The following DYNC1I1 variants were observed in gnomAD, a reference collection of about 807,000 sequenced individuals.
DYNC1I1 encodes cytoplasmic dynein 1 intermediate chain 1.
In DYNC1I1, 43 loss-of-function variants were observed where a neutral mutation model predicts 86.6. The ratio of observed to expected loss-of-function variants is 0.50; its 90% CI spans 0.39 to 0.64. DYNC1I1 has a LOEUF of 0.64. Ranked by LOEUF, DYNC1I1 falls within the 30% of genes least tolerant of loss-of-function variation. DYNC1I1 has a pLI of 0.00. For missense variants in DYNC1I1, 604 were observed against 788.8 expected (o/e 0.77, Z 2.81); for synonymous variants, 262 against 283.7 (o/e 0.92, Z 0.77).
At chr7:95,819,969 T>C (rs1795038556) in intron 4 of DYNC1I1, among the ~76,000 whole-genome samples, 1 of 152,180 alleles carries the variant, frequency 6.6e-6, no homozygotes, top group South Asian at 2.1e-4. Context: ...AGCAGGACTT[T>C]TGTGTAAGAT....
At chr7:95,835,978 A>G (rs913004992) in intron 5 of DYNC1I1, among the ~76,000 whole-genome samples, 1 of 152,106 alleles carries the variant, frequency 6.6e-6, no homozygotes, top group Non-Finnish European at 1.5e-5. Context: ...TTACATTTAA[A>G]GTTAATATTC....
intron 5 of DYNC1I1, among the ~76,000 whole-genome samples, chr7:95,848,335 T>C (rs961102828): frequency 5.9e-5 from 9 of 152,002 alleles, no homozygotes; most frequent in Non-Finnish European, 1.2e-4. Flanking sequence ...TTGAACTTAC[T>C]TTTCCTGTAT....
rs1793338047 is a variant in DYNC1I1 at position 95,977,537 on chromosome 7, G to A, written c.516G>A (p.Val172=). The A allele has an allele frequency of 3.1e-6, 5 of 1,612,882 alleles. No homozygotes were observed. The highest frequency in any genetic ancestry group is 4.2e-6 in the Non-Finnish European group (5 of 1,179,492). The stretch of plus-strand genomic sequence containing the variant: ...AGGATGAGGAAGATGAGGAAATGGT[G>A]GAATCTAAAGTTGGCCAGGACTCAG... ...SEEDEEDEEM[V]ESKVGQDSEL... The change falls in exon 7 of 17, where the codon GTG becomes GTA. Residue 172 remains valine (V), a synonymous_variant. Coordinates refer to ENST00000447467, the MANE Select transcript of DYNC1I1 (RefSeq NM_001135556.2).
intron 16 of DYNC1I1, among the ~76,000 whole-genome samples, chr7:96,082,476 C>G (rs901678622): frequency 4.6e-5 from 7 of 152,068 alleles, no homozygotes; most frequent in Non-Finnish European, 1.0e-4. Flanking sequence ...CATAACGTCC[C>G]TTAACTCACT....
chr7:95,921,028 A>G (rs13227290), intron 6 of DYNC1I1, among the ~76,000 whole-genome samples: 26,806 of 152,148 alleles, frequency 0.18, 2,489 homozygotes, highest in South Asian at 0.33. Flanking sequence ...TTTAGAAACA[A>G]TTAAATGGTC....
chr7:95,828,193 C>T (rs1404439363), intron 5 of DYNC1I1, 77 bp downstream of exon 5: 25 of 1,492,916 alleles, frequency 1.7e-5, no homozygotes, highest in Middle Eastern at 1.7e-4. Flanking sequence ...GCTGTTGTTG[C>T]TCTTGTGTTC....
chr7:95,872,926 A>G (rs918576897), intron 6 of DYNC1I1, among the ~76,000 whole-genome samples: 6 of 152,174 alleles, frequency 3.9e-5, no homozygotes, highest in African/African-American at 1.4e-4. Context: ...CATCTTTATT[A>G]TAGTGAGTGA....
chr7:96,079,158 A>G (rs1310599093), intron 15 of DYNC1I1, among the ~76,000 whole-genome samples: 1 of 152,132 alleles, frequency 6.6e-6, no homozygotes, highest in African/African-American at 2.4e-5. Flanking sequence ...TATTTTAAAG[A>G]TAGGTATTGG....
At chr7:95,964,322 C>A (rs1205955636) in intron 6 of DYNC1I1, among the ~76,000 whole-genome samples, 1 of 152,128 alleles carries the variant, frequency 6.6e-6, no homozygotes, top group South Asian at 2.1e-4. Flanking sequence ...AGAACCAGAT[C>A]TGTGTGGTTG....
intron 6 of DYNC1I1, among the ~76,000 whole-genome samples, chr7:95,889,031 G>T (rs944079454): frequency 1.3e-5 from 2 of 152,076 alleles, no homozygotes; most frequent in Non-Finnish European, 2.9e-5. Flanking sequence ...CTGCAATTGG[G>T]GTTTGACCTG....
downstream of DYNC1I1, among the ~76,000 whole-genome samples, chr7:96,098,668 T>C (rs1478754266): frequency 1.3e-5 from 2 of 152,156 alleles, no homozygotes; most frequent in African/African-American, 2.4e-5. Context: ...CCAAAGACAG[T>C]TGTTGGAGTA....
chr7:95,982,267 C>T (rs1245398297), intron 7 of DYNC1I1, among the ~76,000 whole-genome samples: 3 of 152,130 alleles, frequency 2.0e-5, no homozygotes, highest in South Asian at 2.1e-4. Flanking sequence ...GTCATTTGAT[C>T]CCTGTTTGAC....
At chr7:95,942,397 A>T (rs1042928971) in intron 6 of DYNC1I1, among the ~76,000 whole-genome samples, 3 of 152,176 alleles carry the variant, frequency 2.0e-5, no homozygotes, top group Non-Finnish European at 2.9e-5. Context: ...ACCAACCAAA[A>T]AGAGCCCAGG....
At chr7:96,078,197 A>G (rs546657526) in intron 15 of DYNC1I1, among the ~76,000 whole-genome samples, 2 of 152,150 alleles carry the variant, frequency 1.3e-5, no homozygotes, top group South Asian at 2.1e-4. Flanking sequence ...AGCTGTTCCT[A>G]TGCAAGGATA....
intron 6 of DYNC1I1, among the ~76,000 whole-genome samples, chr7:95,959,253 G>A (rs1384744141): frequency 6.6e-6 from 1 of 152,092 alleles, no homozygotes; most frequent in Non-Finnish European, 1.5e-5. Flanking sequence ...GAGCCTGAAG[G>A]CACAGTGGAG....
chr7:96,084,684 A>C (rs1790627768), intron 16 of DYNC1I1, among the ~76,000 whole-genome samples: 1 of 152,120 alleles, frequency 6.6e-6, no homozygotes, highest in South Asian at 2.1e-4. Flanking sequence ...CGGCCTCCCA[A>C]AGTACTGAGA....
chr7:96,003,125 G>A (rs548552118), intron 10 of DYNC1I1, among the ~76,000 whole-genome samples: 2 of 152,342 alleles, frequency 1.3e-5, no homozygotes, highest in African/African-American at 4.8e-5. Context: ...TTACAGGCGT[G>A]AGCCATTGTA....
Position 95,963,497 on chromosome 7 carries a change from C to A in DYNC1I1, c.491-14015C>A, listed in dbSNP as rs370598366. On this transcript the variant is annotated intron_variant, in intron 6 of 16. Coordinates refer to ENST00000447467, the MANE Select transcript of DYNC1I1 (RefSeq NM_001135556.2). ...TTTAGGTTGGATTGAGGACACCCAG[C>A]ATGAAACTGAAATGACTGAGAACAG... Among the ~76,000 whole-genome samples the A allele has an allele frequency of 3.4e-3, 517 of 152,268 alleles. 8 individuals carry two copies. The highest frequency in any genetic ancestry group is 0.012 in the African/African-American group (493 of 41,564).
At chr7:96,086,236 T>C (rs757512368) in intron 16 of DYNC1I1, among the ~76,000 whole-genome samples, 2 of 152,238 alleles carry the variant, frequency 1.3e-5, no homozygotes, top group Non-Finnish European at 2.9e-5. Flanking sequence ...CTTATCTGAA[T>C]TAGTTAGAAT....
Sources: gnomAD v4.1 joint callset for allele counts (sites outside exome capture counted in the v4.1 genomes callset) on GRCh38, gnomAD v4.1.1 for gene constraint, MANE v1.5 for transcripts, NCBI Gene and HGNC (gene_info 2026-07-23, HGNC 2026-07-21) for gene names.